KRABD3: variants seen among roughly 807,000 people sequenced by gnomAD.
The protein encoded by KRABD3 is KRAB domain containing 3.
the KRABD3 span, among the ~76,000 whole-genome samples, chr7:149,732,537 G>A: frequency 6.6e-6 from 1 of 152,180 alleles, no homozygotes; most frequent in Admixed American, 6.5e-5. This position sits in a 1 kb window ranked among gnomAD's most constrained non-coding sequence, Gnocchi z 4.0. Context: ...CAGGTGCCTG[G>A]CCAAGCCTTT....
chr7:149,720,369 C>T, the KRABD3 span, among the ~76,000 whole-genome samples: 31,825 of 152,158 alleles, frequency 0.21, 4,780 homozygotes, highest in African/African-American at 0.43. Flanking sequence ...CCACCACCAC[C>T]CTGAAGCCTT....
the KRABD3 span, chr7:149,722,488 C>T: frequency 6.2e-6 from 10 of 1,600,386 alleles, no homozygotes; most frequent in Non-Finnish European, 6.8e-6. Flanking sequence ...GAGCCCAGCC[C>T]TCCCACCCAT....
chr7:149,730,589 G>A, the KRABD3 span: 10 of 1,606,614 alleles, frequency 6.2e-6, no homozygotes, highest in East Asian at 2.2e-5. Context: ...GGTCTCCTGA[G>A]GGGGCGCCCA....
chr7:149,715,809 A>C, the KRABD3 span, among the ~76,000 whole-genome samples: 1 of 152,138 alleles, frequency 6.6e-6, no homozygotes, highest in African/African-American at 2.4e-5. Flanking sequence ...AGGCTAGGCA[A>C]ATTGGATGTT....
chr7:149,718,893 A>G, the KRABD3 span, among the ~76,000 whole-genome samples: 2 of 152,358 alleles, frequency 1.3e-5, no homozygotes, highest in Non-Finnish European at 2.9e-5. Context: ...GGAGATGAGT[A>G]CAGAGAATAG....
chr7:149,733,427 G>C, the KRABD3 span: 1 of 1,595,414 alleles, frequency 6.3e-7, no homozygotes, highest in Non-Finnish European at 8.5e-7. Context: ...GGCAGGCCTG[G>C]CTCAGGAAGT....
the KRABD3 span, chr7:149,721,603 C>A: frequency 6.6e-7 from 1 of 1,524,412 alleles, no homozygotes; most frequent in Non-Finnish European, 8.9e-7. Flanking sequence ...CGTCAGAGGA[C>A]CTGGACCCTG....
At chr7:149,716,506 C>G in the KRABD3 span, among the ~76,000 whole-genome samples, 1 of 152,232 alleles carries the variant, frequency 6.6e-6, no homozygotes, top group South Asian at 2.1e-4. Flanking sequence ...CTTGCTCACT[C>G]CCTCACACAC....
chr7:149,720,267 A>C, the KRABD3 span: 3 of 961,598 alleles, frequency 3.1e-6, no homozygotes, highest in Non-Finnish European at 4.6e-6. Context: ...TTCACCCCTC[A>C]TCCCTCTGGG....
chr7:149,715,140 C>G, the KRABD3 span: 2 of 1,227,746 alleles, frequency 1.6e-6, no homozygotes, highest in East Asian at 3.2e-5. Flanking sequence ...AGAGCTGGGA[C>G]CCCCCCGCAA....
chr7:149,725,052 A>G, the KRABD3 span, among the ~76,000 whole-genome samples: 2 of 152,158 alleles, frequency 1.3e-5, no homozygotes, highest in African/African-American at 2.4e-5. Flanking sequence ...TTCGTTTTGC[A>G]GTGATTCCTG....
chr7:149,722,716 G>A, the KRABD3 span: 1 of 1,532,146 alleles, frequency 6.5e-7, no homozygotes, highest in Admixed American at 2.0e-5. Context: ...AGACCTGAAT[G>A]CCTGCCAGCG....
chr7:149,733,947 G>A, the KRABD3 span: 216 of 1,599,694 alleles, frequency 1.4e-4, no homozygotes, highest in Non-Finnish European at 1.7e-4. Context: ...ATCCCAGAGC[G>A]GCCCAAGGAG....
chr7:149,726,185 G>A, the KRABD3 span: 2 of 843,772 alleles, frequency 2.4e-6, no homozygotes, highest in Non-Finnish European at 3.6e-6. Flanking sequence ...CAGGGATACT[G>A]AGGCAGGAGC....
At chr7:149,718,197 A>C in the KRABD3 span, among the ~76,000 whole-genome samples, 2 of 152,144 alleles carry the variant, frequency 1.3e-5, no homozygotes, top group Non-Finnish European at 2.9e-5. Context: ...ACTTGAGCCC[A>C]GGAGTTCAAG....
the KRABD3 span, chr7:149,729,856 C>A: frequency 1.0e-6 from 1 of 985,404 alleles, no homozygotes; most frequent in South Asian, 4.7e-5. Context: ...AGCCGCCTGG[C>A]CTGTGAGACC....
chr7:149,722,776 G>A, the KRABD3 span: 1 of 1,594,152 alleles, frequency 6.3e-7, no homozygotes, highest in East Asian at 2.2e-5. Flanking sequence ...CCTTGCATGT[G>A]CCACAGGAAT....
At chr7:149,718,167 G>A in the KRABD3 span, among the ~76,000 whole-genome samples, 8 of 152,116 alleles carry the variant, frequency 5.3e-5, no homozygotes, top group African/African-American at 1.9e-4. Context: ...AGCACTTTGG[G>A]AGACCAATGT....
the KRABD3 span, chr7:149,719,996 C>G: frequency 6.5e-7 from 1 of 1,540,142 alleles, no homozygotes; most frequent in Non-Finnish European, 8.7e-7. This position sits in a 1 kb window ranked among gnomAD's most constrained non-coding sequence, Gnocchi z 5.6. Flanking sequence ...ACAGTTCCCT[C>G]TTCTTTCCCA....
Sources: allele counts gnomAD v4.1 joint callset (sites outside exome capture counted in the v4.1 genomes callset), GRCh38; gene constraint gnomAD v4.1.1; non-coding constraint Gnocchi (gnomAD v3.1); transcripts MANE v1.5; gene names NCBI Gene and HGNC (gene_info 2026-07-23, HGNC 2026-07-21).